PLCB4: variants seen among roughly 807,000 people sequenced by gnomAD.
PLCB4 encodes the protein 1-phosphatidylinositol 4,5-bisphosphate phosphodiesterase beta-4.
In PLCB4, 77 loss-of-function variants were observed where a neutral mutation model predicts 178.8. That is an observed-to-expected ratio of 0.43 (90% CI 0.36 to 0.52). PLCB4 has a LOEUF of 0.52. Among genes scored for constraint, PLCB4 ranks in the 20% least tolerant of loss-of-function variants. PLCB4 has a pLI of 0.00. For missense variants in PLCB4, 1,024 were observed against 1,453.4 expected (o/e 0.70, Z 4.80); for synonymous variants, 496 against 490.8 (o/e 1.01, Z -0.14).
intron 32 of PLCB4, among the ~76,000 whole-genome samples, chr20:9,444,948 C>T (rs990343175): frequency 3.3e-5 from 5 of 152,164 alleles, no homozygotes; most frequent in Admixed American, 1.3e-4. Flanking sequence ...AGAGAGAGAA[C>T]ACTTGTCACT....
At chr20:9,077,127 T>C (rs2089907134) in intron 1 of PLCB4, among the ~76,000 whole-genome samples, 1 of 152,234 alleles carries the variant, frequency 6.6e-6, no homozygotes, top group Admixed American at 6.5e-5. Flanking sequence ...CATGGAGAGC[T>C]TTCCATGTCA....
intron 2 of PLCB4, among the ~76,000 whole-genome samples, chr20:9,145,094 A>G (rs2092573645): frequency 1.3e-5 from 2 of 152,156 alleles, no homozygotes; most frequent in Admixed American, 6.5e-5. Flanking sequence ...AAAGAGGACA[A>G]CTGGGGTAAC....
chr20:9,424,223 A>G (rs1350007021), intron 28 of PLCB4, among the ~76,000 whole-genome samples: 1 of 152,186 alleles, frequency 6.6e-6, no homozygotes, highest in Non-Finnish European at 1.5e-5. Context: ...TTACAAACAC[A>G]TTTTGTGAAG....
chr20:9,408,896 AGTGAACT>A (rs2039658850), intron 23 of PLCB4, among the ~76,000 whole-genome samples, 154 bp from the exon 24 acceptor site: 1 of 152,210 alleles, frequency 6.6e-6, no homozygotes, highest in Non-Finnish European at 1.5e-5. Flanking sequence ...TAATCCACAC[AGTGAACT>A]GTGATCTTAA....
intron 7 of PLCB4, among the ~76,000 whole-genome samples, chr20:9,345,280 C>T (rs1048406706): frequency 6.6e-6 from 1 of 151,944 alleles, no homozygotes; most frequent in Non-Finnish European, 1.5e-5. Flanking sequence ...GAATCATTCT[C>T]ATCTTTTTGC....
chr20:9,290,180 C>CAAA (rs5840317), intron 3 of PLCB4, among the ~76,000 whole-genome samples: 2 of 142,958 alleles, frequency 1.4e-5, no homozygotes, highest in South Asian at 2.2e-4. Flanking sequence ...AAAAAAAAAC[C>CAAA]AAAAAAAAAA....
At chr20:9,382,105 C>T (rs35645115) in intron 13 of PLCB4, among the ~76,000 whole-genome samples, 8,737 of 152,196 alleles carry the variant, frequency 0.057, 277 homozygotes, top group Middle Eastern at 0.068. Context: ...CTTTCAAAGC[C>T]TATAAAATAG....
intron 34 of PLCB4, among the ~76,000 whole-genome samples, chr20:9,458,008 T>G (rs2043160003): frequency 6.6e-6 from 1 of 152,056 alleles, no homozygotes; most frequent in Non-Finnish European, 1.5e-5. Flanking sequence ...TAATCAACTT[T>G]GTGGGCATTT....
chr20:9,159,569 G>C (rs2092849271), intron 2 of PLCB4, among the ~76,000 whole-genome samples: 2 of 152,102 alleles, frequency 1.3e-5, no homozygotes, highest in African/African-American at 4.8e-5. Context: ...AAGTTAATCT[G>C]CATCTGAAGG....
intron 2 of PLCB4, among the ~76,000 whole-genome samples, chr20:9,130,398 A>C (rs2092242814): frequency 6.6e-6 from 1 of 152,214 alleles, no homozygotes; most frequent in South Asian, 2.1e-4. Flanking sequence ...TGCATACTTC[A>C]AAAGTCTGCC....
At position 9,372,210 on chromosome 20, in the gene PLCB4, A is replaced by G. The variant is rs2036308626; in HGVS notation, c.586-93A>G. 2.2e-5 allele frequency: 15 copies of G among 695,016 alleles called. No individual in the cohort carries two copies. The Middle Eastern group carries it at 7.4e-4, about 34-fold the overall frequency. 43.1% of individuals were successfully genotyped at this position (695,016 alleles called of 1,614,324 possible). Reference sequence around the variant, plus strand: ...ATCAGAGATGAAGACCCTGAGTCCAAGTGGTCTTCACTGTGCTTCATGACC... The same window carrying G: ...ATCAGAGATGAAGACCCTGAGTCCAGGTGGTCTTCACTGTGCTTCATGACC... On this transcript the variant is annotated intron_variant, in intron 10 of 39. Coordinates refer to ENST00000378473, the MANE Select transcript of PLCB4 (RefSeq NM_001377142.1).
chr20:9,478,080 G>C (rs898668204), intron 39 of PLCB4, among the ~76,000 whole-genome samples: 1 of 152,152 alleles, frequency 6.6e-6, no homozygotes, highest in Admixed American at 6.6e-5. Context: ...CGTGCATTTG[G>C]TTGGGCAAAA....
intron 2 of PLCB4, among the ~76,000 whole-genome samples, chr20:9,201,637 A>G (rs2147189715): frequency 6.6e-6 from 1 of 152,336 alleles, no homozygotes; most frequent in East Asian, 1.9e-4. Flanking sequence ...GTACTCTAAC[A>G]TTTGACAGAT....
intron 38 of PLCB4, among the ~76,000 whole-genome samples, chr20:9,474,701 A>AAAATC (rs1443367384): frequency 6.7e-6 from 1 of 149,104 alleles, no homozygotes; most frequent in East Asian, 2.1e-4. Context: ...AAAATAAAAT[A>AAAATC]AAATCTTTTT....
intron 7 of PLCB4, among the ~76,000 whole-genome samples, chr20:9,349,208 T>C (rs796834741): frequency 2.4e-4 from 37 of 152,278 alleles, no homozygotes; most frequent in African/African-American, 8.4e-4. Flanking sequence ...ACATTCACCA[T>C]GTTGAGCAAG....
intron 3 of PLCB4, among the ~76,000 whole-genome samples, chr20:9,258,762 A>G (rs1176042050): frequency 6.6e-6 from 1 of 151,888 alleles, no homozygotes; most frequent in Non-Finnish European, 1.5e-5. Context: ...ACTAGAGGAC[A>G]AGGGAATGAC....
intron 12 of PLCB4, among the ~76,000 whole-genome samples, chr20:9,374,916 A>G (rs1173335428): frequency 6.6e-6 from 1 of 152,086 alleles, no homozygotes; most frequent in African/African-American, 2.4e-5. Context: ...TACAGTAGAC[A>G]ATAGTATTCT....
chr20:9,440,155 A>T (rs1035133417), intron 30 of PLCB4, among the ~76,000 whole-genome samples: 1 of 152,234 alleles, frequency 6.6e-6, no homozygotes, highest in Non-Finnish European at 1.5e-5. Context: ...TCCTTGACTT[A>T]TGACAGAGTT....
At chr20:9,095,510 G>A (rs6118487) in intron 1 of PLCB4, among the ~76,000 whole-genome samples, 30,954 of 152,080 alleles carry the variant, frequency 0.2, 4,337 homozygotes, top group East Asian at 0.65. Flanking sequence ...ACAGTTTATA[G>A]TAGTGGATGA....
Sources: gnomAD v4.1 joint callset for allele counts (sites outside exome capture counted in the v4.1 genomes callset) on GRCh38, gnomAD v4.1.1 for gene constraint, MANE v1.5 for transcripts, NCBI Gene and HGNC (gene_info 2026-07-23, HGNC 2026-07-21) for gene names.